MUC6: variants seen among roughly 807,000 people sequenced by gnomAD.
MUC6 encodes the protein mucin-6.
A neutral mutation model predicts 201.5 loss-of-function variants in MUC6; 188 were observed. The observed-to-expected ratio is 0.93, with a 90% CI of 0.83 to 1.05. The LOEUF (loss-of-function observed/expected upper bound fraction) is 1.05, where lower values mean the gene tolerates loss of function less well. MUC6 is among the 50% of genes least tolerant of loss of function. MUC6 has a pLI of 0.00. For missense variants in MUC6, 2,706 were observed against 3,256.9 expected, an observed-to-expected ratio of 0.83 and a Z score of 4.12; for synonymous variants, 1,228 against 1,389.4, an observed-to-expected ratio of 0.88 and a Z score of 2.58.
intron 31 of MUC6, among the ~76,000 whole-genome samples, chr11:1,014,207 C>T (rs1350360380): frequency 1.3e-5 from 2 of 152,240 alleles, no homozygotes; most frequent in African/African-American, 2.4e-5. Context: ...TTTTTCCCCT[C>T]AAAGTCGCTC....
At position 1,024,869 on chromosome 11, in the gene MUC6, T is replaced by C. The variant is rs568545100; in HGVS notation, c.3200A>G (p.Gln1067Arg). The C allele has an allele frequency of 6.2e-7, 1 of 1,611,808 alleles. No homozygotes were observed. The highest frequency in any genetic ancestry group is 2.2e-5 in the East Asian group (1 of 44,858). The change falls in exon 24 of 33, where the codon CAG (glutamine) becomes CGG (arginine). Residue 1067 changes from glutamine to arginine, a missense_variant. Physicochemically the swap from Gln to Arg is conservative, Grantham distance 43. Transcript: ENST00000421673. ...CTTGCTGTGGCAGGTGGCAAAGGTCTGGCTGTTGATGACGCTGCACTTGCG... is the reference window on the plus strand; with the variant it reads ...CTTGCTGTGGCAGGTGGCAAAGGTCCGGCTGTTGATGACGCTGCACTTGCG... ...AERKCSVINS[Q>R]TFATCHSKVY...
At chr11:1,023,678 G>T (rs1050761231) in intron 25 of MUC6, 26 bp from the exon 26 acceptor site, 3 of 1,609,710 alleles carry the variant, frequency 1.9e-6, no homozygotes, top group Non-Finnish European at 2.5e-6. Context: ...CTGTCAGCTG[G>T]TGGGGTTCCT....
At chr11:1,032,121 G>A in intron 2 of MUC6, 68 bp from the exon 3 acceptor site, 1 of 1,578,128 alleles carries the variant, frequency 6.3e-7, no homozygotes, top group East Asian at 2.3e-5. Context: ...GCTGGGGCAG[G>A]CAGAGAGGTC....
At chr11:1,030,521 G>T (rs896589520) in intron 7 of MUC6, 52 bp downstream of exon 7, 2 of 1,461,028 alleles carry the variant, frequency 1.4e-6, no homozygotes, top group Non-Finnish European at 1.8e-6. Context: ...GGGAGAGCTG[G>T]GTCTGGAGCC....
chr11:1,019,018 C>A (rs1219332302), intron 30 of MUC6, among the ~76,000 whole-genome samples: 1 of 152,176 alleles, frequency 6.6e-6, no homozygotes, highest in African/African-American at 2.4e-5. Context: ...GGAACCCAGG[C>A]CCTACTTTAT....
Position 1,023,204 on chromosome 11 carries a change from CATGA to C in MUC6, c.3526+301_3526+304del, listed in dbSNP as rs57840372. Among the ~76,000 whole-genome samples the C allele has an allele frequency of 3.6e-3, 545 of 150,986 alleles. 4 individuals carry two copies. Among genetic ancestry groups the C allele is most frequent in the African/African-American group, 0.012 (498 of 41,036 alleles). On this transcript the variant is annotated intron_variant, in intron 26 of 32. Transcript: ENST00000421673. ...GCGGGAATGTGACTGCGTGAATGAG[CATGA>C]ATGAATGTGTGTGTAGTGACTGCGT...
rs1448160832 is a variant in MUC6 at position 1,025,958 on chromosome 11, C to T, written c.2688+42G>A. 3.8e-6 allele frequency: 6 copies of T among 1,593,328 alleles called. No individual in the cohort carries two copies. In the African/African-American group the frequency reaches 5.4e-5, roughly 14 times the overall value. On this transcript the variant is annotated intron_variant, in intron 21 of 32. Transcript: ENST00000421673. ...TGAGGAGGAGCCCTGGAGGCCGTGC[C>T]TCTGGGTCCCCGGCCCCTGCGGCCT...
At position 1,026,404 on chromosome 11, in the gene MUC6, G is replaced by A. The variant is rs1344409512; in HGVS notation, c.2469C>T (p.Pro823=). The part of the protein sequence containing the change: ...LYENADGQCV[P]PEECPCEFSG... ...AGAACTCACATGGGCACTCCTCGGGGGGCACACACTGCCCGTCGGCATTCT... is the reference window on the plus strand; with the variant it reads ...AGAACTCACATGGGCACTCCTCGGGAGGCACACACTGCCCGTCGGCATTCT... Residue 823 remains proline (P), a synonymous_variant, in exon 20 of 33, where the codon CCC becomes CCT. Transcript: ENST00000421673. 6 of 1,608,810 alleles carry A rather than the reference G, an allele frequency of 3.7e-6. No homozygotes were observed. Among genetic ancestry groups the A allele is most frequent in the Non-Finnish European group, 5.1e-6 (6 of 1,178,414 alleles).
Position 1,023,805 on chromosome 11 carries a change from G to A in MUC6, c.3382+142C>T, listed in dbSNP as rs999080001. 2.1e-6 allele frequency: 3 copies of A among 1,439,026 alleles called. No homozygotes were observed. In the South Asian group the frequency reaches 4.1e-5, roughly 20 times the overall value. 89.1% of individuals were successfully genotyped at this position (1,439,026 alleles called of 1,614,324 possible). ...CTCCCCTGGGCAGCTGGGGGCTGCG[G>A]GAGGGCCAGGGTGGCCCCGCAGGGC... On this transcript the variant is annotated intron_variant, in intron 25 of 32. Coordinates refer to ENST00000421673, the MANE Select transcript of MUC6 (RefSeq NM_005961.3).
chr11:1,030,366 T>TCCCACCCCCC, intron 7 of MUC6, 31 bp from the exon 8 acceptor site: 2 of 1,489,596 alleles, frequency 1.3e-6, no homozygotes, highest in South Asian at 2.4e-5. Flanking sequence ...GGTGAGAGGG[T>TCCCACCCCCC]CCCACCCCCC....
At chr11:1,030,820 C>G (rs1246211446) in intron 6 of MUC6, 40 bp from the exon 7 acceptor site, 1 of 1,530,176 alleles carries the variant, frequency 6.5e-7, no homozygotes, top group East Asian at 2.4e-5. Context: ...AAAGGCCACA[C>G]CCCATGCCAC....
At chr11:1,024,377 C>T (rs1307823574) in intron 24 of MUC6, among the ~76,000 whole-genome samples, 2 of 152,238 alleles carry the variant, frequency 1.3e-5, no homozygotes, top group African/African-American at 2.4e-5. Context: ...CAGTCCCACC[C>T]AGGGTCTCTG....
intron 27 of MUC6, 77 bp downstream of exon 27, chr11:1,021,138 T>G: frequency 1.3e-5 from 17 of 1,351,000 alleles, no homozygotes; most frequent in Non-Finnish European, 1.7e-5. Flanking sequence ...CTCTCTCCCT[T>G]GTTTGTGGGA....
At position 1,031,235 on chromosome 11, in the gene MUC6, C is replaced by T; in HGVS notation, c.508G>A (p.Gly170Ser). ...TTCCCGCAGAGCCCGCACATCTGAC[C>T]CATGTACTTCCGCTCCACCAGAACC... ...LMVLVERKYM[G>S]QMCGLCGNFD... The change falls in exon 5 of 33, where the codon GGT (glycine) becomes AGT (serine). Residue 170 changes from glycine (G) to serine (S), a missense_variant. Coordinates refer to ENST00000421673, the MANE Select transcript of MUC6 (RefSeq NM_005961.3). 6.3e-7 allele frequency: 1 copy of T among 1,581,060 alleles called. No homozygotes were observed. Among genetic ancestry groups the T allele is most frequent in the Non-Finnish European group, 8.6e-7 (1 of 1,164,260 alleles).
In MUC6 at chr11:1,020,539, A is replaced by G. The variant is rs189943986; in HGVS notation, c.3640+145T>C. ...TGGCTGTGGGCTGAGCTCCTCCCCA[A>G]CTCTGATTGCCAGGTTAGACCTGAG... On this transcript the variant is annotated intron_variant, in intron 28 of 32. Coordinates refer to ENST00000421673, the MANE Select transcript of MUC6 (RefSeq NM_005961.3). The G allele has an allele frequency of 7.5e-5, 96 of 1,281,834 alleles. 1 individual carries two copies. The African/African-American group carries it at 1.3e-3, about 18-fold the overall frequency. The allele number at this position is 1,281,834 out of a possible 1,614,324, so 79.4% of individuals were successfully genotyped here. A position where few individuals can be genotyped will look rare whatever the true frequency, so the allele number is the denominator to read the frequency against.
intron 31 of MUC6, among the ~76,000 whole-genome samples, chr11:1,015,257 G>A (rs1352839601): frequency 1.3e-5 from 2 of 152,252 alleles, no homozygotes; most frequent in Non-Finnish European, 2.9e-5. Flanking sequence ...TGAGCACGAA[G>A]GAGCAGGTGC....
At position 1,028,374 on chromosome 11, in the gene MUC6, G is replaced by T; in HGVS notation, c.1605C>A (p.Asn535Lys). Reference sequence around the variant, plus strand: ...AGTCATCCGTTGTGTCCCCGTTGAAGTTGCCGCAGAGCCCTGAGCCGGCGG... The same window carrying T: ...AGTCATCCGTTGTGTCCCCGTTGAATTTGCCGCAGAGCCCTGAGCCGGCGG... ...FRGQTRGLCGNFNGDTTDDFT... is the reference protein window; with the variant it reads ...FRGQTRGLCGKFNGDTTDDFT... The change falls in exon 14 of 33, where the codon AAC becomes AAA. Residue 535 changes from asparagine to lysine, a missense_variant. Physicochemically the swap from Asn to Lys is moderately conservative, Grantham distance 94. Coordinates refer to ENST00000421673, the MANE Select transcript of MUC6 (RefSeq NM_005961.3). 1 of 1,612,386 alleles carries T rather than the reference G, an allele frequency of 6.2e-7. No individual in the cohort carries two copies. Among genetic ancestry groups the T allele is most frequent in the Non-Finnish European group, 8.5e-7 (1 of 1,179,840 alleles).
rs1564842237 is a variant in MUC6, at chr11:1,027,749, GTA to G, written c.1915_1916del (p.Tyr639ArgfsTer28). The G allele has an allele frequency of 6.2e-7, 1 of 1,609,938 alleles. No individual in the cohort carries two copies. The highest frequency in any genetic ancestry group is 8.5e-7 in the Non-Finnish European group (1 of 1,178,740). Reference protein sequence around the residue: ...FPHICAALGDYVHACSLRGVL... With the variant: ...FPHICAALGDXVHACSLRGVL... ...CGCCCCGCAAGGAGCAGGCGTGTAC[GTA>G]GTCGCCCAGGGCGGCACAGATGTGG... On this transcript the variant is annotated frameshift_variant, in exon 16 of 33. Transcript: ENST00000421673. LOFTEE classifies it high-confidence loss of function.
At position 1,027,409 on chromosome 11, in the gene MUC6, G is replaced by A; in HGVS notation, c.2090C>T (p.Pro697Leu). ...RATECHHSAV[P>L]VDGCNCPDGT... ...ATCGGGGCAGTTGCAACCGTCCACG[G>A]GCACGGCGCTGTGGTGGCACTCGGT... Residue 697 changes from proline to leucine, a missense_variant, in exon 17 of 33, where the codon CCC becomes CTC. Around this residue, in one of 10 missense-constraint regions of MUC6, gnomAD observed 1,850 missense variants for 1,958.3 expected, o/e 0.94. Transcript: ENST00000421673. 6.2e-7 allele frequency: 1 copy of A among 1,612,824 alleles called. No homozygotes were observed. Among genetic ancestry groups the A allele is most frequent in the Non-Finnish European group, 8.5e-7 (1 of 1,179,822 alleles).
Sources: allele counts gnomAD v4.1 joint callset (sites outside exome capture counted in the v4.1 genomes callset), GRCh38; gene constraint gnomAD v4.1.1; regional missense constraint gnomAD v4.1.1; transcripts MANE v1.5; gene names NCBI Gene and HGNC (gene_info 2026-07-23, HGNC 2026-07-21).